DDR1: variants seen among roughly 807,000 people sequenced by gnomAD.
DDR1 encodes discoidin domain receptor tyrosine kinase 1.
In DDR1, 64 loss-of-function variants were observed where a neutral mutation model predicts 97.4. The observed-to-expected ratio is 0.66, with a 90% CI of 0.54 to 0.81. The LOEUF is 0.81. DDR1 is among the 30% of genes least tolerant of loss of function. The pLI, the probability that DDR1 is intolerant of heterozygous loss-of-function variation, is 0.00. For missense variants in DDR1, 990 were observed against 1,259.6 expected, an observed-to-expected ratio of 0.79 and a Z score of 3.24; for synonymous variants, 458 against 503.7, an observed-to-expected ratio of 0.91 and a Z score of 1.21.
At position 30,884,574 on chromosome 6, in the gene DDR1, A is replaced by G. The variant is rs961606468; in HGVS notation, c.-179A>G. The G allele has an allele frequency of 2.6e-5, 4 of 151,414 alleles. No individual in the cohort carries two copies. The highest frequency in any genetic ancestry group is 9.7e-5 in the African/African-American group (4 of 41,030). The allele number at this position is 151,414 out of a possible 1,614,324, so 9.4% of individuals were successfully genotyped here. On this transcript the variant is annotated 5_prime_UTR_variant, in exon 1 of 18. Coordinates refer to ENST00000376568, the MANE Select transcript of DDR1 (RefSeq NM_001297654.2). This position sits in a 1 kb window ranked among gnomAD's most constrained non-coding sequence, Gnocchi z 6.1. ...CTGCTCTCGGGAGCCGCCTCCCGAC[A>G]CCCGAGCCCCGCCGGCGCCTCCCGC...
Position 30,897,112 on chromosome 6 carries a change from C to T in DDR1, c.1968C>T (p.Ile656=), listed in dbSNP as rs756662626. The T allele has an allele frequency of 1.1e-5, 17 of 1,613,864 alleles. No individual in the cohort carries two copies. In the South Asian group the frequency reaches 1.9e-4, roughly 18 times the overall value. ...KGHPLLVAVK[I]LRPDATKNAR... is the part of the protein sequence containing the mutation. ...ACCCTTTGCTGGTAGCTGTCAAGAT[C>T]TTACGGCCAGATGCCACCAAGAATG... The change falls in exon 14 of 18, where the codon ATC becomes ATT. Residue 656 remains isoleucine, a synonymous_variant. Coordinates refer to ENST00000376568, the MANE Select transcript of DDR1 (RefSeq NM_001297654.2). The surrounding 1 kb of genome is among the most constrained non-coding windows in gnomAD (Gnocchi z 5.2).
chr6:30,881,896 C>T (rs1784376409), upstream of DDR1: 1 of 153,080 alleles, frequency 6.5e-6, no homozygotes, highest in Non-Finnish European at 1.5e-5. Context: ...TCTTCCCCAA[C>T]CACAGCTGAG....
rs764090751 is a variant in DDR1, at chr6:30,894,513, G to A, written c.1355G>A (p.Arg452Gln). 9.3e-6 allele frequency: 15 copies of A among 1,608,444 alleles called. No homozygotes were observed. Among genetic ancestry groups the A allele is most frequent in the African/African-American group, 5.4e-5 (4 of 74,706 alleles). The part of the protein sequence containing the change: ...HWRRLLSKAE[R>Q]RVLEEELTVH... ...TCCCATCCCTATGACAAGGCTGAAC[G>A]GAGGGTGTTGGAAGAGGAGCTGACG... The change falls in exon 11 of 18, where the codon CGG becomes CAG. Residue 452 changes from arginine (R) to glutamine (Q), a missense_variant. Physicochemically the swap from Arg to Gln is conservative, Grantham distance 43. Transcript: ENST00000376568. This position sits in a 1 kb window ranked among gnomAD's most constrained non-coding sequence, Gnocchi z 5.7.
At chr6:30,884,073 GT>G (rs1487626569), upstream of DDR1, 1 of 152,650 alleles carries the variant, frequency 6.6e-6, no homozygotes, top group Non-Finnish European at 1.5e-5. The surrounding 1 kb of genome is among the most constrained non-coding windows in gnomAD (Gnocchi z 6.1). Flanking sequence ...GATCCCAGAA[GT>G]AGGAGGGGCG....
rs562369810 is a variant in DDR1 at position 30,894,341 on chromosome 6, A to G, written c.1348-165A>G. On this transcript the variant is annotated intron_variant, in intron 10 of 17. Transcript: ENST00000376568. The surrounding 1 kb of genome is among the most constrained non-coding windows in gnomAD (Gnocchi z 5.7). Reference sequence around the variant, plus strand: ...ATTGTGGGACAGGGAAGTTACCTCCATGCTCTTGAGCTTCACTTTCTCTGC... The same window carrying G: ...ATTGTGGGACAGGGAAGTTACCTCCGTGCTCTTGAGCTTCACTTTCTCTGC... Among the ~76,000 whole-genome samples the G allele has an allele frequency of 9.9e-5, 15 of 152,238 alleles. No homozygotes were observed. The highest frequency in any genetic ancestry group is 3.1e-4 in the African/African-American group (13 of 41,536).
chr6:30,890,833 C>A lies in DDR1; in HGVS notation c.418-140C>A. 1 of 828,132 alleles carries A rather than the reference C, an allele frequency of 1.2e-6. No homozygotes were observed. Among genetic ancestry groups the A allele is most frequent in the Non-Finnish European group, 1.8e-6 (1 of 558,532 alleles). The allele number at this position is 828,132 out of a possible 1,614,324, so 51.3% of individuals were successfully genotyped here. On this transcript the variant is annotated intron_variant, in intron 4 of 17. Transcript: ENST00000376568. This position sits in a 1 kb window ranked among gnomAD's most constrained non-coding sequence, Gnocchi z 5.0. ...CATTTCACCCATGCCTGGCTGCGCC[C>A]CACAGTGCTGTGTGCTCGGTGCCAC...
At position 30,889,928 on chromosome 6, in the gene DDR1, A is replaced by G. The variant is rs1787409191; in HGVS notation, c.417+498A>G. Among the ~76,000 whole-genome samples the G allele has an allele frequency of 6.6e-6, 1 of 151,860 alleles. No individual in the cohort carries two copies. Among genetic ancestry groups the G allele is most frequent in the African/African-American group, 2.4e-5 (1 of 41,310 alleles). ...CCTTTTTTTCTCTCACCTCCTTCCAAAGCATCAGCAGCCCCGTCTGTTCTA... is the reference window on the plus strand; with the variant it reads ...CCTTTTTTTCTCTCACCTCCTTCCAGAGCATCAGCAGCCCCGTCTGTTCTA... On this transcript the variant is annotated intron_variant, in intron 4 of 17. Coordinates refer to ENST00000376568, the MANE Select transcript of DDR1 (RefSeq NM_001297654.2). The surrounding 1 kb of genome is among the most constrained non-coding windows in gnomAD (Gnocchi z 4.9).
intron 12 of DDR1, 96 bp downstream of exon 12, chr6:30,895,610 G>A: frequency 1.3e-6 from 1 of 766,280 alleles, no homozygotes; most frequent in Non-Finnish European, 2.1e-6. Flanking sequence ...TCTCCCCACT[G>A]TGGCCTATTC....
In DDR1 at chr6:30,890,453, C is replaced by G. The variant is rs1179643414; in HGVS notation, c.418-520C>G. 6.5e-6 allele frequency: 1 copy of G among 153,188 alleles called. No homozygotes were observed. The highest frequency in any genetic ancestry group is 1.5e-5 in the Non-Finnish European group (1 of 68,832). The allele number at this position is 153,188 out of a possible 1,614,324, so 9.5% of individuals were successfully genotyped here. On this transcript the variant is annotated intron_variant, in intron 4 of 17. Transcript: ENST00000376568. This position sits in a 1 kb window ranked among gnomAD's most constrained non-coding sequence, Gnocchi z 5.0. ...TCCTTAGAGAGCCTTTTCTGGCCAC[C>G]CACCTCACTGCTCTGTCCATACTTC...
chr6:30,893,297 C>G lies in DDR1; in HGVS notation c.1221C>G (p.Pro407=), dbSNP rs201323442. The G allele has an allele frequency of 6.2e-6, 10 of 1,605,768 alleles. No homozygotes were observed. The highest frequency in any genetic ancestry group is 2.7e-5 in the African/African-American group (2 of 75,044). ...AGCTGGAGCCCAGAGGCCAGCAGCC[C>G]GTGGCCAAGGCCGAGGGGAGCCCGA... ...SLELEPRGQQ[P]VAKAEGSPTA... The change falls in exon 10 of 18, where the codon CCC becomes CCG. Residue 407 remains proline (P), a synonymous_variant. Coordinates refer to ENST00000376568, the MANE Select transcript of DDR1 (RefSeq NM_001297654.2).
At chr6:30,898,395 C>T in intron 16 of DDR1, 88 bp downstream of exon 16, 1 of 960,632 alleles carries the variant, frequency 1.0e-6, no homozygotes, top group South Asian at 1.5e-5. Flanking sequence ...ATCAGTCACA[C>T]ACTTTCTCTG....
chr6:30,889,339 G>A lies in DDR1; in HGVS notation c.326G>A (p.Gly109Asp), dbSNP rs746851215. The change falls in exon 4 of 18, where the codon GGC (glycine) becomes GAC (aspartate). Residue 109 changes from glycine to aspartate, a missense_variant. Transcript: ENST00000376568. The surrounding 1 kb of genome is among the most constrained non-coding windows in gnomAD (Gnocchi z 4.9). Reference protein sequence around the residue: ...LVGTQGRHAGGLGKEFSRSYR... With the variant: ...LVGTQGRHAGDLGKEFSRSYR... Reference sequence around the variant, plus strand: ...GGCACCCAGGGACGGCATGCCGGGGGCCTGGGCAAGGAGTTCTCCCGGAGC... The same window carrying A: ...GGCACCCAGGGACGGCATGCCGGGGACCTGGGCAAGGAGTTCTCCCGGAGC... The A allele has an allele frequency of 1.2e-6, 2 of 1,612,136 alleles. No individual in the cohort carries two copies. Among genetic ancestry groups the A allele is most frequent in the Non-Finnish European group, 1.7e-6 (2 of 1,179,634 alleles).
In DDR1 at chr6:30,889,202, G is replaced by C. The variant is rs1248330314; in HGVS notation, c.189G>C (p.Arg63Ser). ...TCTCTGTGCCCCTCTTCACCCTCAG[G>C]TTGGAGAGCAGTGACGGGGATGGGG... ...WSDSTAARHS[R>S]LESSDGDGAW... The change falls in exon 4 of 18, where the codon AGG becomes AGC. Residue 63 changes from arginine (R) to serine (S), a missense_variant and splice_region_variant. Physicochemically the swap from Arg to Ser is moderately radical, Grantham distance 110. Transcript: ENST00000376568. This position sits in a 1 kb window ranked among gnomAD's most constrained non-coding sequence, Gnocchi z 4.9. 2 of 1,612,926 alleles carry C rather than the reference G, an allele frequency of 1.2e-6. No individual in the cohort carries two copies. Among genetic ancestry groups the C allele is most frequent in the African/African-American group, 2.7e-5 (2 of 74,940 alleles).
chr6:30,887,586 A>C (rs1169288628), intron 1 of DDR1, among the ~76,000 whole-genome samples: 1 of 152,190 alleles, frequency 6.6e-6, no homozygotes, highest in African/African-American at 2.4e-5. Flanking sequence ...TATACATGGA[A>C]ATCACACAAA....
intron 9 of DDR1, 54 bp from the exon 10 acceptor site, chr6:30,893,218 C>T (rs1789275668): frequency 8.2e-6 from 13 of 1,594,606 alleles, no homozygotes; most frequent in African/African-American, 1.3e-5. Context: ...CCTGGGCCTC[C>T]CCCTCGGCTA....
chr6:30,897,595 C>T lies in DDR1; in HGVS notation c.2214C>T (p.Ile738=), dbSNP rs147091812. The change falls in exon 15 of 18, where the codon ATC becomes ATT. Residue 738 remains isoleucine (I), a splice_region_variant and synonymous_variant. Transcript: ENST00000376568. The surrounding 1 kb of genome is among the most constrained non-coding windows in gnomAD (Gnocchi z 5.2). The part of the protein sequence containing the change: ...GDGQAAQGPT[I]SYPMLLHVAA... ...GGCAGGCTGCGCAGGGGCCCACCAT[C>T]AGGTACCTGCTTACCCAGGCTGGGC... The T allele has an allele frequency of 4.7e-3, 7,517 of 1,608,240 alleles. 53 individuals carry two copies. Among genetic ancestry groups the T allele is most frequent in the Middle Eastern group, 0.039 (209 of 5,408 alleles).
Position 30,891,384 on chromosome 6 carries a change from A to C in DDR1, c.570A>C (p.Gly190=). The C allele has an allele frequency of 1.2e-6, 2 of 1,611,916 alleles. No individual in the cohort carries two copies. The highest frequency in any genetic ancestry group is 1.7e-6 in the Non-Finnish European group (2 of 1,179,360). ...CATCCTCTCACCCTGCCCCAGATGG[A>C]CTCCTGTCTTACACCGCCCCTGTGG... ...VELYGCLWRD[G]LLSYTAPVGQ... Residue 190 remains glycine (G), a synonymous_variant, in exon 6 of 18, where the codon GGA becomes GGC. Coordinates refer to ENST00000376568, the MANE Select transcript of DDR1 (RefSeq NM_001297654.2). This position sits in a 1 kb window ranked among gnomAD's most constrained non-coding sequence, Gnocchi z 5.3.
chr6:30,881,742 G>A (rs926700069), upstream of DDR1, among the ~76,000 whole-genome samples: 1 of 152,008 alleles, frequency 6.6e-6, no homozygotes, highest in African/African-American at 2.4e-5. Flanking sequence ...TGCTGTGTGT[G>A]CCCTGTCTTC....
In DDR1 at chr6:30,888,949, C is replaced by T. The variant is rs2150289442; in HGVS notation, c.127C>T (p.Pro43Ser). 1 of 1,613,000 alleles carries T rather than the reference C, an allele frequency of 6.2e-7. No homozygotes were observed. Among genetic ancestry groups the T allele is most frequent in the Non-Finnish European group, 8.5e-7 (1 of 1,180,010 alleles). ...CCTGGGCATGCAGGACCGGACCATCCCAGACAGTGACATCTCTGCTTCCAG... is the reference window on the plus strand; with the variant it reads ...CCTGGGCATGCAGGACCGGACCATCTCAGACAGTGACATCTCTGCTTCCAG... ...YALGMQDRTI[P>S]DSDISASSSW... The change falls in exon 3 of 18, where the codon CCA (proline) becomes TCA (serine). Residue 43 changes from proline to serine, a missense_variant. By Grantham distance (74) the Pro-to-Ser change is moderately conservative. Transcript: ENST00000376568. This position sits in a 1 kb window ranked among gnomAD's most constrained non-coding sequence, Gnocchi z 4.2.
Sources: allele counts gnomAD v4.1 joint callset (sites outside exome capture counted in the v4.1 genomes callset), GRCh38; gene constraint gnomAD v4.1.1; non-coding constraint Gnocchi (gnomAD v3.1); transcripts MANE v1.5; gene names NCBI Gene and HGNC (gene_info 2026-07-23, HGNC 2026-07-21).